CCDC57: variants seen among roughly 807,000 people sequenced by gnomAD.
CCDC57 encodes the protein coiled-coil domain-containing protein 57.
Under a neutral mutation model 118.9 loss-of-function variants are expected in CCDC57, and 118 were observed. The ratio of observed to expected loss-of-function variants is 0.99; its 90% CI spans 0.86 to 1.16. The LOEUF is 1.16. CCDC57 is among the 50% of genes most tolerant of loss of function. The pLI is 0.00. For missense variants in CCDC57, 1,300 were observed against 1,320.7 expected (o/e 0.98, Z 0.24); for synonymous variants, 527 against 532.9 (o/e 0.99, Z 0.15).
At chr17:82,211,010 G>T (rs78264242) in intron 1 of CCDC57, among the ~76,000 whole-genome samples, 4 of 126,332 alleles carry the variant, frequency 3.2e-5, no homozygotes, top group Non-Finnish European at 6.5e-5. Context: ...AAAAAAAAAA[G>T]AAAAAAAAAA....
intron 8 of CCDC57, among the ~76,000 whole-genome samples, chr17:82,185,739 G>A (rs374314441): frequency 5.1e-4 from 77 of 152,052 alleles, no homozygotes; most frequent in African/African-American, 1.6e-3. Flanking sequence ...AAGCTGGCCA[G>A]GCACGGTGGC....
chr17:82,124,916 T>C (rs1299748587), intron 19 of CCDC57, among the ~76,000 whole-genome samples: 1 of 152,038 alleles, frequency 6.6e-6, no homozygotes, highest in Non-Finnish European at 1.5e-5. Flanking sequence ...GAACTTTCCA[T>C]TGAGTTGATG....
intron 13 of CCDC57, among the ~76,000 whole-genome samples, chr17:82,165,525 C>T (rs1327771716): frequency 6.6e-6 from 1 of 151,852 alleles, no homozygotes; most frequent in Non-Finnish European, 1.5e-5. Context: ...GCTCCTGGGA[C>T]CAACGGAGCA....
At chr17:82,134,040 T>A in intron 17 of CCDC57, 33 bp downstream of exon 16, 1 of 1,350,570 alleles carries the variant, frequency 7.4e-7, no homozygotes, top group Non-Finnish European at 9.5e-7. Flanking sequence ...GAAATATTTT[T>A]AAAAATGCAT....
In CCDC57 at chr17:82,210,862, T is replaced by C. The variant is rs2050130810; in HGVS notation, c.-211+1923A>G. 2.1e-5 allele frequency among the ~76,000 whole-genome samples: 3 copies of C among 144,052 alleles called. No individual in the cohort carries two copies. The South Asian group carries it at 6.6e-4, about 32-fold the overall frequency. The allele number at this position is 144,052 out of a possible 152,430, so 94.5% of individuals were successfully genotyped here. ...TACACAGATTAGCTGGGGGTGGTGGTGGGCGGCTGTAATCCCAGCTACTTG... is the reference window on the plus strand; with the variant it reads ...TACACAGATTAGCTGGGGGTGGTGGCGGGCGGCTGTAATCCCAGCTACTTG... On this transcript the variant is annotated intron_variant, in intron 1 of 19. Transcript: ENST00000665763.
intron 5 of CCDC57, among the ~76,000 whole-genome samples, chr17:82,195,049 C>T (rs2048134564): frequency 6.6e-6 from 1 of 152,274 alleles, no homozygotes; most frequent in Non-Finnish European, 1.5e-5. Flanking sequence ...CGGAGGTGAA[C>T]TGGCACCCGG....
intron 15 of CCDC57, 35 bp downstream of exon 14, chr17:82,157,713 T>C (rs954896318): frequency 6.5e-7 from 1 of 1,546,642 alleles, no homozygotes; most frequent in African/African-American, 1.4e-5. Flanking sequence ...GGCAGGAACC[T>C]CGGCGGGTGG....
chr17:82,108,530 G>A (rs953104133), intron 19 of CCDC57, among the ~76,000 whole-genome samples: 3 of 152,170 alleles, frequency 2.0e-5, no homozygotes, highest in Non-Finnish European at 4.4e-5. Context: ...AGTTTTAAAG[G>A]GAAATACACA....
chr17:82,139,842 T>A (rs1328894470), intron 16 of CCDC57, among the ~76,000 whole-genome samples: 1 of 152,204 alleles, frequency 6.6e-6, no homozygotes, highest in Admixed American at 6.5e-5. Flanking sequence ...GAGAAGCAGA[T>A]GGATTGTTGA....
At chr17:82,188,257 C>T in exon 8 of CCDC57, 1 of 1,565,716 alleles carries the variant, frequency 6.4e-7, no homozygotes, top group Non-Finnish European at 8.6e-7. Context: ...CGGTGTCAGC[C>T]TGTCTCCACT....
chr17:82,188,484 T>C, intron 7 of CCDC57, 65 bp from the exon 7 acceptor site: 2 of 1,500,426 alleles, frequency 1.3e-6, no homozygotes, highest in Admixed American at 3.9e-5. Context: ...CAGACCCTCT[T>C]TGGAGGCGTT....
At chr17:82,179,651 C>G (rs986524547) in intron 9 of CCDC57, among the ~76,000 whole-genome samples, 1 of 151,904 alleles carries the variant, frequency 6.6e-6, no homozygotes, top group Non-Finnish European at 1.5e-5. Context: ...GAGAGCCCCC[C>G]GAGCGAGTGC....
intron 15 of CCDC57, among the ~76,000 whole-genome samples, chr17:82,153,006 C>T (rs921783764): frequency 6.6e-6 from 1 of 152,212 alleles, no homozygotes; most frequent in Non-Finnish European, 1.5e-5. Flanking sequence ...CAGGGCAGCC[C>T]CCATGAAGGC....
At chr17:82,160,825 G>A (rs1319446937) in intron 14 of CCDC57, among the ~76,000 whole-genome samples, 3 of 129,248 alleles carry the variant, frequency 2.3e-5, no homozygotes, top group Non-Finnish European at 3.1e-5. Context: ...AGTCAGCCGA[G>A]ATCACGCCAT....
chr17:82,127,631 G>A, intron 19 of CCDC57, 61 bp downstream of exon 18: 1 of 1,524,356 alleles, frequency 6.6e-7, no homozygotes, highest in Admixed American at 2.3e-5. Flanking sequence ...ATGCCCCTCG[G>A]AGAGGGTGGC....
intron 7 of CCDC57, 82 bp downstream of exon 6, chr17:82,193,674 G>T: frequency 7.9e-7 from 1 of 1,271,502 alleles, no homozygotes; most frequent in East Asian, 2.5e-5. Context: ...CTGCTCCCTG[G>T]GCCATCAGCA....
chr17:82,201,546 G>A lies in CCDC57; in HGVS notation c.399C>T (p.Arg133=), dbSNP rs775349800. The change falls in exon 3 of 20, where the codon CGC becomes CGT. Residue 133 remains arginine (R), a synonymous_variant. Transcript: ENST00000665763. ...GTCGGTCGGTGGCTCACCTGTGGAC[G>A]CGCTCCAGCTCCAGGCGATGCTCCT... 2.7e-5 allele frequency: 43 copies of A among 1,602,856 alleles called. No homozygotes were observed. In the East Asian group the frequency reaches 4.0e-4, roughly 15 times the overall value.
At chr17:82,180,216 G>A (rs935042449) in intron 9 of CCDC57, among the ~76,000 whole-genome samples, 1 of 152,236 alleles carries the variant, frequency 6.6e-6, no homozygotes, top group African/African-American at 2.4e-5. Context: ...CAGACAGTGA[G>A]GGAATGGAGG....
At chr17:82,114,521 AC>A (rs1165757264) in intron 19 of CCDC57, among the ~76,000 whole-genome samples, 1 of 152,084 alleles carries the variant, frequency 6.6e-6, no homozygotes, top group Non-Finnish European at 1.5e-5. Context: ...AAAGCACAGG[AC>A]CCCAGGCAGG....
Sources: gnomAD v4.1 joint callset for allele counts (sites outside exome capture counted in the v4.1 genomes callset) on GRCh38, gnomAD v4.1.1 for gene constraint, MANE v1.5 for transcripts, NCBI Gene and HGNC (gene_info 2026-07-23, HGNC 2026-07-21) for gene names.